CAMK2B: variants seen among roughly 807,000 people sequenced by gnomAD.
CAMK2B encodes the protein calcium/calmodulin-dependent protein kinase type II subunit beta.
CAMK2B carries 27 observed loss-of-function variants against 93.7 expected under a neutral mutation model. The ratio of observed to expected loss-of-function variants is 0.29; its 90% CI spans 0.21 to 0.40. The LOEUF (loss-of-function observed/expected upper bound fraction) is 0.40. Ranked by LOEUF, CAMK2B falls within the 10% of genes least tolerant of loss-of-function variation. The pLI is 1.00. For missense variants in CAMK2B, 568 were observed against 895.8 expected (o/e 0.63, Z 4.67); for synonymous variants, 374 against 358.8 (o/e 1.04, Z -0.48).
chr7:44,296,979 GA>G (rs1788484502), intron 1 of CAMK2B, among the ~76,000 whole-genome samples: 1 of 152,162 alleles, frequency 6.6e-6, no homozygotes, highest in Non-Finnish European at 1.5e-5. Context: ...AAGAAAGGAA[GA>G]GACTTAGAGA....
In CAMK2B at chr7:44,220,098, G is replaced by T; in HGVS notation, c.1965C>A (p.Phe655Leu). ...RRDGKWQNVHFHCSGAPVAPL... is the reference protein window; with the variant it reads ...RRDGKWQNVHLHCSGAPVAPL... ...GGGCCACAGGCGCGCCCGAGCAGTG[G>T]AAGTGCACGTTCTGCCACTTGCCGT... The change falls in exon 23 of 24, where the codon TTC becomes TTA. Residue 655 changes from phenylalanine (F) to leucine (L), a missense_variant. Phe to Leu is a conservative substitution (Grantham distance 22, BLOSUM62 0). Coordinates refer to ENST00000395749, the MANE Select transcript of CAMK2B (RefSeq NM_001220.5). 1 of 1,608,564 alleles carries T rather than the reference G, an allele frequency of 6.2e-7. No individual in the cohort carries two copies. Among genetic ancestry groups the T allele is most frequent in the Non-Finnish European group, 8.5e-7 (1 of 1,178,946 alleles).
intron 1 of CAMK2B, among the ~76,000 whole-genome samples, chr7:44,290,026 G>A (rs1038915616): frequency 2.0e-5 from 3 of 152,158 alleles, no homozygotes; most frequent in Middle Eastern, 3.2e-3. Context: ...CTCACCGGTC[G>A]GTTGCAGTTC....
At chr7:44,305,074 C>G (rs1791097877) in intron 1 of CAMK2B, among the ~76,000 whole-genome samples, 1 of 152,140 alleles carries the variant, frequency 6.6e-6, no homozygotes, top group African/African-American at 2.4e-5. Context: ...TGACCTGAGG[C>G]CCTGAACAAC....
chr7:44,289,330 G>A (rs995625831), intron 1 of CAMK2B, among the ~76,000 whole-genome samples: 18 of 152,230 alleles, frequency 1.2e-4, no homozygotes, highest in African/African-American at 3.9e-4. Flanking sequence ...TCCCTGAGCA[G>A]CATGGCTGGA....
At chr7:44,278,818 C>G (rs1165705899) in intron 2 of CAMK2B, among the ~76,000 whole-genome samples, 1 of 152,232 alleles carries the variant, frequency 6.6e-6, no homozygotes, top group Non-Finnish European at 1.5e-5. Context: ...TTCTGGAGAC[C>G]CAGATTTCAA....
intron 1 of CAMK2B, among the ~76,000 whole-genome samples, chr7:44,309,792 A>G (rs1792998258): frequency 6.6e-6 from 1 of 152,228 alleles, no homozygotes. Flanking sequence ...ACTGGGGACG[A>G]GAGAGATTCC....
At chr7:44,247,961 G>A (rs974234683) in intron 5 of CAMK2B, among the ~76,000 whole-genome samples, 1 of 152,184 alleles carries the variant, frequency 6.6e-6, no homozygotes, top group East Asian at 1.9e-4. Flanking sequence ...CCCAGGAGGT[G>A]GAGGTTGCAG....
chr7:44,241,416 G>C (rs143941004), intron 11 of CAMK2B, among the ~76,000 whole-genome samples: 1 of 152,232 alleles, frequency 6.6e-6, no homozygotes, highest in Admixed American at 6.5e-5. Flanking sequence ...TGCAGAGCCC[G>C]GGTGAGGAGC....
intron 1 of CAMK2B, among the ~76,000 whole-genome samples, chr7:44,298,682 GAAAC>G (rs909321763): frequency 5.9e-5 from 9 of 152,092 alleles, no homozygotes; most frequent in East Asian, 1.9e-4. Flanking sequence ...CAATAACAAA[GAAAC>G]AAACAAGCCA....
At chr7:44,275,377 G>C (rs951472822) in intron 2 of CAMK2B, among the ~76,000 whole-genome samples, 4 of 152,206 alleles carry the variant, frequency 2.6e-5, no homozygotes, top group African/African-American at 7.2e-5. Context: ...TGACAGATGG[G>C]GCCAGCAAGG....
chr7:44,272,081 C>T (rs930093165), intron 2 of CAMK2B, among the ~76,000 whole-genome samples: 19 of 152,110 alleles, frequency 1.2e-4, no homozygotes, highest in Admixed American at 1.0e-3. Context: ...GAGCAGCCCC[C>T]TCTTCATTTT....
At chr7:44,246,819 A>G (rs2096735545) in intron 6 of CAMK2B, among the ~76,000 whole-genome samples, 1 of 152,164 alleles carries the variant, frequency 6.6e-6, no homozygotes, top group Non-Finnish European at 1.5e-5. Context: ...ACATGCACAC[A>G]CATACTTCTA....
intron 1 of CAMK2B, among the ~76,000 whole-genome samples, chr7:44,307,637 G>C (rs530766245): frequency 6.6e-6 from 1 of 152,040 alleles, no homozygotes; most frequent in Non-Finnish European, 1.5e-5. Flanking sequence ...ACAAGGCTAC[G>C]GTGCCTGTGT....
chr7:44,306,018 C>T (rs1201885399), intron 1 of CAMK2B, among the ~76,000 whole-genome samples: 1 of 152,178 alleles, frequency 6.6e-6, no homozygotes, highest in East Asian at 1.9e-4. Flanking sequence ...ATGATGTGGC[C>T]TCCCTCTACA....
chr7:44,222,097 A>C (rs1173711501), intron 20 of CAMK2B, among the ~76,000 whole-genome samples: 1 of 152,106 alleles, frequency 6.6e-6, no homozygotes, highest in African/African-American at 2.4e-5. Flanking sequence ...CACAGAACAC[A>C]CATGCACACG....
intron 1 of CAMK2B, among the ~76,000 whole-genome samples, chr7:44,307,404 G>A (rs1470541876): frequency 4.4e-5 from 6 of 137,436 alleles, no homozygotes; most frequent in Admixed American, 4.3e-4. Context: ...GAGGGGGTAA[G>A]CAGAAGGAGG....
intron 1 of CAMK2B, among the ~76,000 whole-genome samples, chr7:44,299,226 C>T (rs1173845612): frequency 4.6e-5 from 7 of 152,190 alleles, no homozygotes; most frequent in Admixed American, 3.9e-4. Flanking sequence ...GGAAGGAAAT[C>T]ATGTCTACAA....
At chr7:44,255,253 T>C (rs2096824470) in intron 4 of CAMK2B, among the ~76,000 whole-genome samples, 1 of 152,184 alleles carries the variant, frequency 6.6e-6, no homozygotes, top group South Asian at 2.1e-4. Flanking sequence ...GCCCTGTGTC[T>C]CCACCCAGTG....
At chr7:44,226,260 G>A (rs993557753) in intron 20 of CAMK2B, among the ~76,000 whole-genome samples, 1 of 150,858 alleles carries the variant, frequency 6.6e-6, no homozygotes, top group Admixed American at 6.6e-5. Context: ...GAATGCTGGG[G>A]TCGGCAACAA....
Sources: allele counts gnomAD v4.1 joint callset (sites outside exome capture counted in the v4.1 genomes callset), GRCh38; gene constraint gnomAD v4.1.1; transcripts MANE v1.5; gene names NCBI Gene and HGNC (gene_info 2026-07-23, HGNC 2026-07-21).